The following CTNNA3 variants were observed in gnomAD, a reference collection of about 807,000 sequenced individuals.
The protein encoded by CTNNA3 is catenin alpha 3.
Under a neutral mutation model 95.7 loss-of-function variants are expected in CTNNA3, and 76 were observed. The ratio of observed to expected loss-of-function variants is 0.79; its 90% CI spans 0.66 to 0.96. The LOEUF (loss-of-function observed/expected upper bound fraction) is 0.96, where lower values mean the gene tolerates loss of function less well. CTNNA3 is among the 40% of genes least tolerant of loss of function. The probability of loss-of-function intolerance (pLI) is 0.00; values close to 1 mark genes in which losing one functional copy is unlikely to be tolerated. For synonymous variants in CTNNA3, 431 were observed against 374.4 expected, an observed-to-expected ratio of 1.15 and a Z score of -1.74; for missense variants, 1,191 against 1,089.8, an observed-to-expected ratio of 1.09 and a Z score of -1.31.
chr10:66,761,949 C>T (rs1839617029), intron 9 of CTNNA3, among the ~76,000 whole-genome samples: 1 of 151,796 alleles, frequency 6.6e-6, no homozygotes, highest in Non-Finnish European at 1.5e-5. Flanking sequence ...TATTTCAAGT[C>T]CAGTTACTAG....
intron 13 of CTNNA3, among the ~76,000 whole-genome samples, chr10:66,174,120 G>T (rs543650031): frequency 6.6e-6 from 1 of 152,274 alleles, no homozygotes; most frequent in African/African-American, 2.4e-5. Flanking sequence ...TAAAGAAACT[G>T]AGGCATAGCA....
chr10:67,543,442 A>C (rs1054171785), intron 3 of CTNNA3, among the ~76,000 whole-genome samples: 3 of 152,102 alleles, frequency 2.0e-5, no homozygotes, highest in Non-Finnish European at 4.4e-5. Context: ...GTTATTTTAC[A>C]AGTTCCTTTG....
At chr10:66,191,882 A>G (rs1188932171) in intron 13 of CTNNA3, among the ~76,000 whole-genome samples, 1 of 152,154 alleles carries the variant, frequency 6.6e-6, no homozygotes, top group East Asian at 1.9e-4. Flanking sequence ...TTAGGTCTTG[A>G]GGGCTCTGCC....
chr10:66,823,142 T>C (rs61435459), intron 7 of CTNNA3, among the ~76,000 whole-genome samples: 35,848 of 152,096 alleles, frequency 0.24, 4,354 homozygotes, highest in Middle Eastern at 0.31. Flanking sequence ...TGTTTAGGAG[T>C]CTGGAAAATC....
At chr10:67,171,841 T>G (rs1341059495) in intron 7 of CTNNA3, among the ~76,000 whole-genome samples, 1 of 152,170 alleles carries the variant, frequency 6.6e-6, no homozygotes, top group Non-Finnish European at 1.5e-5. Flanking sequence ...CAAGATGATA[T>G]GAGGGACTCA....
intron 13 of CTNNA3, among the ~76,000 whole-genome samples, chr10:66,169,966 G>A (rs2085330981): frequency 1.3e-5 from 2 of 152,044 alleles, no homozygotes; most frequent in Admixed American, 1.3e-4. Context: ...CCCACTCTGT[G>A]GGTTGTTTAT....
chr10:66,104,529 T>C (rs1476279639), intron 13 of CTNNA3, among the ~76,000 whole-genome samples: 3 of 152,200 alleles, frequency 2.0e-5, no homozygotes, highest in Non-Finnish European at 4.4e-5. Context: ...TCTGAGATTT[T>C]AGTGAGCTCT....
At chr10:66,714,731 C>T (rs895673939) in intron 9 of CTNNA3, among the ~76,000 whole-genome samples, 1 of 152,096 alleles carries the variant, frequency 6.6e-6, no homozygotes, top group Non-Finnish European at 1.5e-5. Flanking sequence ...AGGTGGGGCC[C>T]AGCCATCTGT....
chr10:65,931,745 A>G (rs756488115), intron 17 of CTNNA3, among the ~76,000 whole-genome samples: 1 of 152,212 alleles, frequency 6.6e-6, no homozygotes, highest in Non-Finnish European at 1.5e-5. Context: ...GTGTCTTATA[A>G]AACACAAACA....
At chr10:66,587,302 G>A (rs1312637237) in intron 10 of CTNNA3, among the ~76,000 whole-genome samples, 1 of 152,122 alleles carries the variant, frequency 6.6e-6, no homozygotes, top group Non-Finnish European at 1.5e-5. Flanking sequence ...TGTTTTAATG[G>A]GCTGTGCCGG....
chr10:67,635,829 G>C lies in CTNNA3; in HGVS notation c.99+11586C>G, dbSNP rs138297650. On this transcript the variant is annotated intron_variant, in intron 2 of 17. Transcript: ENST00000433211. Reference sequence around the variant, plus strand: ...GTTCTGGCCAGGACAATAAGGCCAAGAAAAAGAAATAAAGAGTATCCAAGC... The same window carrying C: ...GTTCTGGCCAGGACAATAAGGCCAACAAAAAGAAATAAAGAGTATCCAAGC... Among the ~76,000 whole-genome samples, 1,304 of 152,032 alleles carry C rather than the reference G, an allele frequency of 8.6e-3. 16 individuals carry two copies. The highest frequency in any genetic ancestry group is 0.03 in the African/African-American group (1,234 of 41,482).
At chr10:66,701,601 G>T (rs924272431) in intron 9 of CTNNA3, among the ~76,000 whole-genome samples, 8 of 151,908 alleles carry the variant, frequency 5.3e-5, no homozygotes, top group Non-Finnish European at 1.0e-4. Context: ...TCATATTATT[G>T]ATATTATTGT....
chr10:66,437,527 T>C (rs923101850), intron 11 of CTNNA3, among the ~76,000 whole-genome samples: 1 of 152,144 alleles, frequency 6.6e-6, no homozygotes, highest in Non-Finnish European at 1.5e-5. Flanking sequence ...GCTGTGTTTT[T>C]CAGCTCCTTC....
At chr10:66,691,613 A>C (rs12256420) in intron 9 of CTNNA3, among the ~76,000 whole-genome samples, 26,998 of 152,010 alleles carry the variant, frequency 0.18, 3,010 homozygotes, top group East Asian at 0.33. Flanking sequence ...AGCAGTGGTT[A>C]TCCCAGCACG....
At chr10:67,683,635 AAG>A (rs944949170) in intron 1 of CTNNA3, among the ~76,000 whole-genome samples, 1 of 152,228 alleles carries the variant, frequency 6.6e-6, no homozygotes, top group African/African-American at 2.4e-5. Context: ...GCATATAGGT[AAG>A]AGTGTGTCCA....
In CTNNA3 at chr10:65,924,576, T is replaced by C. The variant is rs142172117; in HGVS notation, c.2401-3959A>G. 2.9e-4 allele frequency among the ~76,000 whole-genome samples: 44 copies of C among 152,342 alleles called. No homozygotes were observed. In the East Asian group the frequency reaches 6.9e-3, roughly 24 times the overall value. On this transcript the variant is annotated intron_variant, in intron 17 of 17. Coordinates refer to ENST00000433211, the MANE Select transcript of CTNNA3 (RefSeq NM_013266.4). ...CTCGATCATTCTACCATTTTGATAA[T>C]ATTTGGCAATATTTAATATTTCTTA...
intron 11 of CTNNA3, among the ~76,000 whole-genome samples, chr10:66,382,591 G>A (rs942190015): frequency 6.6e-6 from 1 of 152,186 alleles, no homozygotes; most frequent in African/African-American, 2.4e-5. Flanking sequence ...CGTTCTCCCA[G>A]CATGGTGGTT....
chr10:66,675,206 T>A (rs567498996), intron 9 of CTNNA3, among the ~76,000 whole-genome samples: 1 of 152,114 alleles, frequency 6.6e-6, no homozygotes, highest in South Asian at 2.1e-4. Context: ...CATTGTCAGC[T>A]CCTTGATTAA....
At chr10:66,209,530 C>T (rs535633798) in intron 13 of CTNNA3, among the ~76,000 whole-genome samples, 1 of 151,842 alleles carries the variant, frequency 6.6e-6, no homozygotes, top group Admixed American at 6.6e-5. Context: ...TCCAAAGCCC[C>T]GAGGCAGGAT....
Sources: allele counts gnomAD v4.1 joint callset (sites outside exome capture counted in the v4.1 genomes callset), GRCh38; gene constraint gnomAD v4.1.1; transcripts MANE v1.5; gene names NCBI Gene and HGNC (gene_info 2026-07-23, HGNC 2026-07-21).